Variants in DIS3L2 observed in about 807,000 individuals in gnomAD.
DIS3L2 encodes DIS3-like exonuclease 2.
A neutral mutation model predicts 97.5 loss-of-function variants in DIS3L2; 34 were observed. The observed-to-expected ratio is 0.35, with a 90% CI of 0.27 to 0.46. The LOEUF is 0.46. Ranked by LOEUF, DIS3L2 falls within the 20% of genes least tolerant of loss-of-function variation. The probability of loss-of-function intolerance (pLI) is 1.00; values close to 1 mark genes in which losing one functional copy is unlikely to be tolerated. For synonymous variants in DIS3L2, 435 were observed against 445.2 expected (o/e 0.98, Z 0.29); for missense variants, 1,038 against 1,146.0 (o/e 0.91, Z 1.36).
intron 19 of DIS3L2, 108 bp downstream of exon 19, chr2:232,334,843 C>T: frequency 1.1e-6 from 1 of 936,122 alleles, no homozygotes; most frequent in Non-Finnish European, 1.6e-6. Context: ...TCCCCCAGCC[C>T]TAGCACAAAG....
intron 5 of DIS3L2, among the ~76,000 whole-genome samples, chr2:232,052,941 T>A (rs950459839): frequency 1.3e-5 from 2 of 152,270 alleles, no homozygotes; most frequent in Non-Finnish European, 2.9e-5. Flanking sequence ...ATGTTAAAAA[T>A]GGCAAGTGCC....
chr2:232,077,974 TTTCTTTCTTTCTTTC>T (rs1283900033), intron 5 of DIS3L2, among the ~76,000 whole-genome samples: 7 of 130,670 alleles, frequency 5.4e-5, no homozygotes, highest in Non-Finnish European at 8.1e-5. Context: ...TCTTTCTTTC[TTTCTTTCTTTCTTTC>T]TTTCTTTCTT....
Position 232,293,700 on chromosome 2 carries a change from A to G in DIS3L2, c.1660-6340A>G, listed in dbSNP as rs532513032. On this transcript the variant is annotated intron_variant, in intron 13 of 20. Transcript: ENST00000325385. The surrounding 1 kb of genome is among the most constrained non-coding windows in gnomAD (Gnocchi z 4.6). The stretch of plus-strand genomic sequence containing the variant: ...CCCGAGCACAGGCCCACCTCTTTCC[A>G]TTGCTCTGTTACTGTCCATATTTGT... Among the ~76,000 whole-genome samples the G allele has an allele frequency of 7.9e-5, 12 of 152,074 alleles. No individual in the cohort carries two copies. In the South Asian group the frequency reaches 2.3e-3, roughly 29 times the overall value.
chr2:232,221,913 A>G (rs765253162), intron 10 of DIS3L2, among the ~76,000 whole-genome samples: 5 of 150,598 alleles, frequency 3.3e-5, no homozygotes, highest in South Asian at 2.1e-4. Flanking sequence ...TGTTACTCCT[A>G]TGTTCCTCTT....
At chr2:232,035,453 A>G (rs546791128) in intron 5 of DIS3L2, among the ~76,000 whole-genome samples, 106 of 152,170 alleles carry the variant, frequency 7.0e-4, no homozygotes, top group African/African-American at 1.4e-3. Flanking sequence ...TCTTTATCCA[A>G]TTTGCCAGCC....
chr2:231,979,669 C>T (rs1006337641), intron 1 of DIS3L2, among the ~76,000 whole-genome samples: 1 of 151,294 alleles, frequency 6.6e-6, no homozygotes, highest in Admixed American at 6.6e-5. Context: ...CCTCTGCCTC[C>T]TGGGTTCAAG....
intron 6 of DIS3L2, among the ~76,000 whole-genome samples, chr2:232,127,904 C>T (rs1286395941): frequency 1.3e-5 from 2 of 152,060 alleles, no homozygotes; most frequent in African/African-American, 4.8e-5. Context: ...ATCATATGTC[C>T]TTTCCCCCTT....
At chr2:232,224,981 A>G (rs909650535) in intron 10 of DIS3L2, among the ~76,000 whole-genome samples, 2 of 152,236 alleles carry the variant, frequency 1.3e-5, no homozygotes, top group African/African-American at 2.4e-5. Flanking sequence ...AAAGAAGATA[A>G]CCAATGGTCA....
intron 5 of DIS3L2, among the ~76,000 whole-genome samples, chr2:232,076,235 C>G (rs1051621429): frequency 1.3e-5 from 2 of 152,142 alleles, no homozygotes; most frequent in Non-Finnish European, 2.9e-5. Context: ...TCCATATGTT[C>G]TTTCTCAGCT....
chr2:232,056,502 GAGA>G (rs1469117265), intron 5 of DIS3L2, among the ~76,000 whole-genome samples: 3 of 151,252 alleles, frequency 2.0e-5, no homozygotes, highest in Non-Finnish European at 4.4e-5. Flanking sequence ...TGCACAGTGG[GAGA>G]AGATGTATGC....
At chr2:232,095,688 A>G (rs1461060104) in intron 6 of DIS3L2, among the ~76,000 whole-genome samples, 2 of 152,152 alleles carry the variant, frequency 1.3e-5, no homozygotes, top group Non-Finnish European at 2.9e-5. Context: ...TTTATTGCTC[A>G]TTAATGTTCT....
chr2:232,107,928 C>A (rs1697400205), intron 6 of DIS3L2, among the ~76,000 whole-genome samples: 1 of 152,034 alleles, frequency 6.6e-6, no homozygotes, highest in South Asian at 2.1e-4. Flanking sequence ...CGAAGAAAGC[C>A]CAGGACCAGA....
At chr2:232,057,985 T>A (rs1428985328) in intron 5 of DIS3L2, among the ~76,000 whole-genome samples, 2 of 152,156 alleles carry the variant, frequency 1.3e-5, no homozygotes, top group Non-Finnish European at 2.9e-5. Flanking sequence ...AGGAGAAAAA[T>A]TAATGGCATT....
At chr2:232,254,268 T>C (rs1244439969) in intron 12 of DIS3L2, among the ~76,000 whole-genome samples, 1 of 152,084 alleles carries the variant, frequency 6.6e-6, no homozygotes, top group African/African-American at 2.4e-5. Flanking sequence ...AAAAGCACCC[T>C]TTTAAAGATT....
At chr2:232,131,038 G>C (rs1698202312) in intron 7 of DIS3L2, 1 of 272,900 alleles carries the variant, frequency 3.7e-6, no homozygotes, top group African/African-American at 2.2e-5. Context: ...TGAGAATTTA[G>C]ACAGTGGAGA....
intron 6 of DIS3L2, among the ~76,000 whole-genome samples, chr2:232,115,191 G>A (rs1372407850): frequency 6.6e-6 from 1 of 152,022 alleles, no homozygotes; most frequent in Non-Finnish European, 1.5e-5. Flanking sequence ...GTTTTGGAAA[G>A]GGACAAATAT....
At chr2:231,978,858 A>G (rs1693170974) in intron 1 of DIS3L2, 1 of 152,224 alleles carries the variant, frequency 6.6e-6, no homozygotes, top group Admixed American at 6.5e-5. Flanking sequence ...ATTAAATTAG[A>G]ATGTCTCCTT....
chr2:232,119,346 G>A (rs1258864488), intron 6 of DIS3L2, among the ~76,000 whole-genome samples: 5 of 152,016 alleles, frequency 3.3e-5, no homozygotes, highest in Non-Finnish European at 5.9e-5. Context: ...AACACCTGTC[G>A]GACTTTAGTA....
chr2:232,224,581 A>G (rs989867705), intron 10 of DIS3L2, among the ~76,000 whole-genome samples: 4 of 152,166 alleles, frequency 2.6e-5, no homozygotes, highest in African/African-American at 7.2e-5. Flanking sequence ...GTTCATGTCC[A>G]TAATCCCACC....
Sources: gnomAD v4.1 joint callset for allele counts (sites outside exome capture counted in the v4.1 genomes callset) on GRCh38, gnomAD v4.1.1 for gene constraint, Gnocchi (gnomAD v3.1) non-coding constraint, MANE v1.5 for transcripts, NCBI Gene and HGNC (gene_info 2026-07-23, HGNC 2026-07-21) for gene names.